SDK1: variants seen among roughly 807,000 people sequenced by gnomAD.
The protein encoded by SDK1 is protein sidekick-1.
A neutral mutation model predicts 245.5 loss-of-function variants in SDK1; 157 were observed. That is an observed-to-expected ratio of 0.64 (90% CI 0.56 to 0.73). The LOEUF is 0.73. Ranked by LOEUF, SDK1 falls within the 30% of genes least tolerant of loss-of-function variation. The pLI is 0.00. For missense variants in SDK1, 3,583 were observed against 3,002.3 expected (o/e 1.19, Z -4.52); for synonymous variants, 1,647 against 1,278.5 (o/e 1.29, Z -6.15).
intron 1 of SDK1, among the ~76,000 whole-genome samples, chr7:3,511,739 G>C (rs1163426246): frequency 6.6e-6 from 1 of 151,652 alleles, no homozygotes; most frequent in African/African-American, 2.4e-5. Context: ...CAAAAAATAA[G>C]CATACAAAAT....
intron 13 of SDK1, 122 bp downstream of exon 13, chr7:3,974,667 C>G: frequency 3.6e-6 from 3 of 844,528 alleles, no homozygotes; most frequent in South Asian, 3.5e-5. Context: ...CGGTCAGAGG[C>G]CAGCGCATCA....
At chr7:3,922,120 T>G (rs565543329) in intron 5 of SDK1, among the ~76,000 whole-genome samples, 1 of 152,310 alleles carries the variant, frequency 6.6e-6, no homozygotes, top group African/African-American at 2.4e-5. Context: ...AAGACTCAAT[T>G]TTATGTCATG....
chr7:4,190,366 G>T (rs929783457), intron 35 of SDK1, among the ~76,000 whole-genome samples: 1 of 152,186 alleles, frequency 6.6e-6, no homozygotes, highest in African/African-American at 2.4e-5. Flanking sequence ...AACATCTGCC[G>T]AAAGCCTACT....
chr7:3,459,415 C>A (rs1374928595), intron 1 of SDK1, among the ~76,000 whole-genome samples: 1 of 152,092 alleles, frequency 6.6e-6, no homozygotes, highest in Non-Finnish European at 1.5e-5. Context: ...GACAGGCAGT[C>A]GATATAGTGC....
Position 4,127,409 on chromosome 7 carries a change from A to G in SDK1, c.3852A>G (p.Ser1284=), listed in dbSNP as rs147200596. The G allele has an allele frequency of 3.7e-6, 6 of 1,614,230 alleles. No individual in the cohort carries two copies. The highest frequency in any genetic ancestry group is 5.1e-6 in the Non-Finnish European group (6 of 1,180,018). Residue 1284 remains serine (S), a synonymous_variant, in exon 26 of 45, where the codon TCA becomes TCG. Coordinates refer to ENST00000404826, the MANE Select transcript of SDK1 (RefSeq NM_152744.4). ...CTTCAGCCGCCCCTGAGAACGTGTC[A>G]GCCGAGGCTGTCAGCTCGACCCAGA... The part of the protein sequence containing the change: ...SVPSAAPENV[S]AEAVSSTQIL...
intron 1 of SDK1, among the ~76,000 whole-genome samples, chr7:3,359,541 G>A (rs987599133): frequency 6.6e-6 from 1 of 152,042 alleles, no homozygotes; most frequent in African/African-American, 2.4e-5. Context: ...TTTGTGATGA[G>A]TATTTCTACA....
At chr7:4,228,379 G>A (rs1028391804) in intron 40 of SDK1, among the ~76,000 whole-genome samples, 3 of 152,212 alleles carry the variant, frequency 2.0e-5, no homozygotes, top group African/African-American at 7.2e-5. Context: ...CCACAGACAT[G>A]AAGTGGCAGG....
chr7:3,751,470 G>A (rs1779770319), intron 4 of SDK1, among the ~76,000 whole-genome samples: 1 of 151,732 alleles, frequency 6.6e-6, no homozygotes, highest in Non-Finnish European at 1.5e-5. Flanking sequence ...GGAGGAGGGA[G>A]GAGGGAGGAA....
intron 14 of SDK1, among the ~76,000 whole-genome samples, chr7:4,010,319 C>G (rs1435156279): frequency 6.6e-6 from 1 of 152,188 alleles, no homozygotes; most frequent in Admixed American, 6.5e-5. Context: ...TCCAGCAGAA[C>G]CTTCGGAAGC....
At chr7:3,423,562 G>C (rs1034258633) in intron 1 of SDK1, among the ~76,000 whole-genome samples, 2 of 147,356 alleles carry the variant, frequency 1.4e-5, no homozygotes, top group African/African-American at 5.2e-5. Context: ...TTTAGTCATG[G>C]AAACAGTGGC....
chr7:4,150,051 G>A (rs551937462), intron 30 of SDK1, among the ~76,000 whole-genome samples: 4 of 152,220 alleles, frequency 2.6e-5, no homozygotes, highest in South Asian at 2.1e-4. Flanking sequence ...CAATAGCAGC[G>A]GCGTTCTGTG....
At chr7:4,131,469 T>TA (rs1436697865) in intron 27 of SDK1, among the ~76,000 whole-genome samples, 1 of 152,194 alleles carries the variant, frequency 6.6e-6, no homozygotes, top group Non-Finnish European at 1.5e-5. Context: ...ATTCAGAATT[T>TA]AAAATACTGT....
intron 4 of SDK1, among the ~76,000 whole-genome samples, chr7:3,774,194 G>C (rs893097650): frequency 7.1e-6 from 1 of 140,796 alleles, no homozygotes; most frequent in Non-Finnish European, 1.5e-5. Context: ...CAGCCTGGGC[G>C]ACAGAGCGAG....
chr7:3,493,024 C>T (rs11531491), intron 1 of SDK1, among the ~76,000 whole-genome samples: 34,113 of 152,106 alleles, frequency 0.22, 4,182 homozygotes, highest in East Asian at 0.33. Flanking sequence ...GATCTCTGCT[C>T]ACTGCAAGGT....
chr7:3,453,901 C>T (rs564836680), intron 1 of SDK1, among the ~76,000 whole-genome samples: 1 of 152,190 alleles, frequency 6.6e-6, no homozygotes, highest in South Asian at 2.1e-4. Flanking sequence ...TTATTTCCTC[C>T]CGGCACATTT....
At chr7:3,454,925 C>T (rs536783624) in intron 1 of SDK1, among the ~76,000 whole-genome samples, 2 of 152,282 alleles carry the variant, frequency 1.3e-5, no homozygotes, top group East Asian at 3.9e-4. Flanking sequence ...TCCAGAGTGA[C>T]TGTACCATTT....
intron 17 of SDK1, among the ~76,000 whole-genome samples, chr7:4,045,048 C>T (rs1362168682): frequency 6.6e-6 from 1 of 152,142 alleles, no homozygotes; most frequent in Non-Finnish European, 1.5e-5. Context: ...ACCTGGCTTC[C>T]TTCCCTTAGT....
At chr7:4,207,995 C>G in intron 36 of SDK1, 104 bp from the exon 37 acceptor site, 1 of 845,268 alleles carries the variant, frequency 1.2e-6, no homozygotes, top group East Asian at 2.5e-5. Flanking sequence ...CACAGCTCGC[C>G]CCAGAACTCA....
chr7:4,268,572 G>T lies in SDK1; in HGVS notation c.*3188G>T, dbSNP rs1788613151. On this transcript the variant is annotated 3_prime_UTR_variant, in exon 45 of 45. Coordinates refer to ENST00000404826, the MANE Select transcript of SDK1 (RefSeq NM_152744.4). ...CCGGGAGGTGGCTCACTCTGTACAG[G>T]TCTTCGGAGGCCGTGTTTGTATCTA... is the stretch of plus-strand genomic sequence containing the variant. 13 of 1,344,150 alleles carry T rather than the reference G, an allele frequency of 9.7e-6. No homozygotes were observed. Among genetic ancestry groups the T allele is most frequent in the Non-Finnish European group, 1.2e-5 (12 of 1,010,254 alleles). The allele number at this position is 1,344,150 out of a possible 1,614,324, so 83.3% of individuals were successfully genotyped here. A position where few individuals can be genotyped will look rare whatever the true frequency, so the allele number is the denominator to read the frequency against.
Sources: gnomAD v4.1 joint callset for allele counts (sites outside exome capture counted in the v4.1 genomes callset) on GRCh38, gnomAD v4.1.1 for gene constraint, MANE v1.5 for transcripts, NCBI Gene and HGNC (gene_info 2026-07-23, HGNC 2026-07-21) for gene names.